The following GRM7 variants were observed in gnomAD, a reference collection of about 807,000 sequenced individuals.
GRM7 encodes metabotropic glutamate receptor 7.
Under a neutral mutation model 84.5 loss-of-function variants are expected in GRM7, and 35 were observed. That is an observed-to-expected ratio of 0.41 (90% CI 0.32 to 0.55). The LOEUF is 0.55. Among genes scored for constraint, GRM7 ranks in the 20% least tolerant of loss-of-function variants. GRM7 has a pLI of 0.19. For synonymous variants in GRM7, 487 were observed against 455.1 expected, an observed-to-expected ratio of 1.07 and a Z score of -0.89; for missense variants, 1,003 against 1,194.6, an observed-to-expected ratio of 0.84 and a Z score of 2.36.
At chr3:7,547,072 C>T (rs1410150277) in intron 7 of GRM7, among the ~76,000 whole-genome samples, 4 of 152,022 alleles carry the variant, frequency 2.6e-5, no homozygotes, top group African/African-American at 4.8e-5. Flanking sequence ...TAAACTAGGA[C>T]GGGAGGGCTC....
At chr3:7,099,471 A>G (rs1037479507) in intron 1 of GRM7, among the ~76,000 whole-genome samples, 3 of 145,944 alleles carry the variant, frequency 2.1e-5, no homozygotes, top group Admixed American at 6.9e-5. Flanking sequence ...AAATACATAT[A>G]CACATATATG....
At chr3:7,179,377 C>T (rs74380306) in intron 2 of GRM7, among the ~76,000 whole-genome samples, 3,240 of 152,322 alleles carry the variant, frequency 0.021, 90 homozygotes, top group African/African-American at 0.072. Flanking sequence ...TCTACTACTG[C>T]ACATCTGTAA....
chr3:7,184,571 T>C (rs1695451682), intron 2 of GRM7, among the ~76,000 whole-genome samples: 1 of 150,716 alleles, frequency 6.6e-6, no homozygotes, highest in African/African-American at 2.5e-5. Context: ...TTGTATCCTT[T>C]CCTCTATTTT....
At chr3:7,445,807 G>A (rs1559327542) in intron 5 of GRM7, among the ~76,000 whole-genome samples, 1 of 152,142 alleles carries the variant, frequency 6.6e-6, no homozygotes, top group African/African-American at 2.4e-5. Flanking sequence ...CCAGTTGACA[G>A]AGTTATTTAT....
At chr3:7,313,052 C>A (rs1182993428) in intron 4 of GRM7, among the ~76,000 whole-genome samples, 2 of 151,720 alleles carry the variant, frequency 1.3e-5, no homozygotes, top group African/African-American at 4.8e-5. Flanking sequence ...CCTCAGCCTC[C>A]CAAGTAGCTG....
intron 9 of GRM7, among the ~76,000 whole-genome samples, chr3:7,721,147 C>T (rs148608857): frequency 6.6e-6 from 1 of 152,150 alleles, no homozygotes; most frequent in African/African-American, 2.4e-5. Context: ...TTAACAGGAT[C>T]CATATTTAAC....
At chr3:6,951,982 C>G (rs1317114442) in intron 1 of GRM7, among the ~76,000 whole-genome samples, 1 of 152,054 alleles carries the variant, frequency 6.6e-6, no homozygotes, top group Non-Finnish European at 1.5e-5. Flanking sequence ...TTTCTGAAAT[C>G]CACTTTGCCT....
chr3:7,673,069 T>A (rs1012369955), intron 8 of GRM7, among the ~76,000 whole-genome samples: 49 of 152,166 alleles, frequency 3.2e-4, no homozygotes, highest in African/African-American at 1.1e-3. Context: ...AATAAATAAA[T>A]CAATAACTCT....
chr3:7,091,562 C>A (rs1336027449), intron 1 of GRM7, among the ~76,000 whole-genome samples: 1 of 151,776 alleles, frequency 6.6e-6, no homozygotes. Context: ...TTTGGATTTT[C>A]ACTCCCTTCC....
chr3:6,888,983 C>G (rs1422684669), intron 1 of GRM7, among the ~76,000 whole-genome samples: 8 of 152,044 alleles, frequency 5.3e-5, no homozygotes, highest in Non-Finnish European at 1.0e-4. Flanking sequence ...ATTTTATTCT[C>G]TTTGAAGCAA....
chr3:7,131,926 G>A (rs537132419), intron 1 of GRM7, among the ~76,000 whole-genome samples: 2 of 152,142 alleles, frequency 1.3e-5, no homozygotes, highest in East Asian at 1.9e-4. Context: ...TGGGACAATG[G>A]ACTCTACCCT....
chr3:7,258,582 T>C (rs889794865), intron 2 of GRM7, among the ~76,000 whole-genome samples: 1 of 152,234 alleles, frequency 6.6e-6, no homozygotes, highest in African/African-American at 2.4e-5. Flanking sequence ...CCAGAAATCT[T>C]GATTCTTATG....
chr3:7,015,725 C>T (rs912832713), intron 1 of GRM7, among the ~76,000 whole-genome samples: 6 of 152,172 alleles, frequency 3.9e-5, no homozygotes, highest in Non-Finnish European at 5.9e-5. Context: ...AGAAAGCCCT[C>T]TTTCCCTGCC....
rs1574935886 is a variant in GRM7, at chr3:6,861,356, C to A, written c.-33C>A. 6.8e-7 allele frequency: 1 copy of A among 1,471,420 alleles called. No homozygotes were observed. Among genetic ancestry groups the A allele is most frequent in the Non-Finnish European group, 8.9e-7 (1 of 1,122,088 alleles). The allele number at this position is 1,471,420 out of a possible 1,614,324, so 91.1% of individuals were successfully genotyped here. On this transcript the variant is annotated 5_prime_UTR_variant, in exon 1 of 10. Transcript: ENST00000357716. This position sits in a 1 kb window ranked among gnomAD's most constrained non-coding sequence, Gnocchi z 6.4. ...GCGAGCCCACCACCGTTCCCTCCAG[C>A]GCCGCCGCCGCCACCGCAGCAGCCG...
chr3:7,013,909 C>A (rs1559384328), intron 1 of GRM7, among the ~76,000 whole-genome samples: 1 of 152,092 alleles, frequency 6.6e-6, no homozygotes, highest in East Asian at 1.9e-4. Flanking sequence ...GAATCTGCAT[C>A]ATTTTGCGTA....
chr3:6,890,956 T>G (rs1475338653), intron 1 of GRM7, among the ~76,000 whole-genome samples: 1 of 152,034 alleles, frequency 6.6e-6, no homozygotes, highest in African/African-American at 2.4e-5. Context: ...TTAGCTCTTC[T>G]TATTGAATTG....
At position 7,439,183 on chromosome 3, in the gene GRM7, A is replaced by G. The variant is rs547994284; in HGVS notation, c.1175-13424A>G. 5.5e-4 allele frequency among the ~76,000 whole-genome samples: 84 copies of G among 152,308 alleles called. No homozygotes were observed. In the South Asian group the frequency reaches 9.5e-3, roughly 17 times the overall value. On this transcript the variant is annotated intron_variant, in intron 5 of 9. Transcript: ENST00000357716. ...CCATAGGTCTCTCATGTTTCTGTAC[A>G]TCTTGTGAGCAGAGACAATGACCAC...
intron 1 of GRM7, among the ~76,000 whole-genome samples, chr3:7,135,039 G>A (rs900159090): frequency 1.3e-5 from 2 of 151,786 alleles, no homozygotes; most frequent in Admixed American, 6.6e-5. Context: ...GAAAAGTGAA[G>A]GAAAAAAGAG....
intron 7 of GRM7, among the ~76,000 whole-genome samples, chr3:7,506,000 T>G (rs745807183): frequency 6.6e-6 from 1 of 152,236 alleles, no homozygotes; most frequent in East Asian, 1.9e-4. Context: ...CTGCTTCCCT[T>G]GTAATTATAA....
Sources: allele counts gnomAD v4.1 joint callset (sites outside exome capture counted in the v4.1 genomes callset), GRCh38; gene constraint gnomAD v4.1.1; non-coding constraint Gnocchi (gnomAD v3.1); transcripts MANE v1.5; gene names NCBI Gene and HGNC (gene_info 2026-07-23, HGNC 2026-07-21).